WDFY3: variants seen among roughly 807,000 people sequenced by gnomAD.
The protein encoded by WDFY3 is WD repeat and FYVE domain-containing protein 3.
WDFY3 carries 66 observed loss-of-function variants against 409.6 expected under a neutral mutation model. That is an observed-to-expected ratio of 0.16 (90% confidence interval 0.13 to 0.20). The LOEUF (loss-of-function observed/expected upper bound fraction) is 0.20, where lower values mean the gene tolerates loss of function less well. Ranked by LOEUF, WDFY3 falls within the 10% of genes least tolerant of loss-of-function variation. The probability of loss-of-function intolerance (pLI) is 1.00; values close to 1 mark genes in which losing one functional copy is unlikely to be tolerated. For synonymous variants in WDFY3, 1,521 were observed against 1,537.1 expected, an observed-to-expected ratio of 0.99 and a Z score of 0.25; for missense variants, 3,031 against 4,298.1, an observed-to-expected ratio of 0.71 and a Z score of 8.24.
chr4:84,908,955 A>G (rs987844091), intron 2 of WDFY3, among the ~76,000 whole-genome samples: 2 of 152,120 alleles, frequency 1.3e-5, no homozygotes, highest in Non-Finnish European at 2.9e-5. Context: ...AAGCAAGGAA[A>G]AATTCAAAAG....
chr4:84,898,762 C>T (rs75632989), intron 2 of WDFY3, among the ~76,000 whole-genome samples: 1 of 152,104 alleles, frequency 6.6e-6, no homozygotes, highest in South Asian at 2.1e-4. Flanking sequence ...GGAATCACAA[C>T]AAAATGGAAA....
At chr4:84,883,244 T>TA (rs1281288649) in intron 3 of WDFY3, among the ~76,000 whole-genome samples, 5 of 152,154 alleles carry the variant, frequency 3.3e-5, no homozygotes, top group African/African-American at 1.2e-4. Flanking sequence ...TAGCCTATTT[T>TA]AAAAAATGCC....
At chr4:84,874,374 A>G (rs1007330090) in intron 3 of WDFY3, among the ~76,000 whole-genome samples, 1 of 151,830 alleles carries the variant, frequency 6.6e-6, no homozygotes, top group Non-Finnish European at 1.5e-5. Context: ...GATTGTGCCA[A>G]TGCACTCTAG....
At chr4:84,724,157 A>G (rs1735278037) in intron 46 of WDFY3, among the ~76,000 whole-genome samples, 1 of 152,246 alleles carries the variant, frequency 6.6e-6, no homozygotes, top group Non-Finnish European at 1.5e-5. Flanking sequence ...AAAAAACTAA[A>G]TATCAAGTGC....
At chr4:84,961,404 A>C (rs997808779) in intron 1 of WDFY3, among the ~76,000 whole-genome samples, 16 of 152,032 alleles carry the variant, frequency 1.1e-4, no homozygotes, top group African/African-American at 3.9e-4. Context: ...TCCAAGTAAA[A>C]TTGAAAAAAA....
chr4:84,698,658 T>C (rs1730549982), intron 56 of WDFY3, among the ~76,000 whole-genome samples: 1 of 151,950 alleles, frequency 6.6e-6, no homozygotes, highest in Non-Finnish European at 1.5e-5. Flanking sequence ...ACTTATCTCA[T>C]AGCAAGGGGA....
chr4:84,885,128 G>A lies in WDFY3; in HGVS notation c.-32+11783C>T, dbSNP rs576814867. On this transcript the variant is annotated intron_variant, in intron 3 of 67. Transcript: ENST00000295888. ...CAATTCTCCTGTCTCAGCCTCCTGAGTAGCTGGGATTACAGGCGTGCACCA... is the reference window on the plus strand; with the variant it reads ...CAATTCTCCTGTCTCAGCCTCCTGAATAGCTGGGATTACAGGCGTGCACCA... Among the ~76,000 whole-genome samples the A allele has an allele frequency of 9.2e-5, 14 of 152,138 alleles. No homozygotes were observed. The South Asian group carries it at 2.9e-3, about 32-fold the overall frequency.
intron 38 of WDFY3, 33 bp downstream of exon 38, chr4:84,741,726 CAT>C (rs1228727824): frequency 6.5e-7 from 1 of 1,539,946 alleles, no homozygotes; most frequent in African/African-American, 1.4e-5. Context: ...AACAGGAAAA[CAT>C]GTACTCTACA....
intron 2 of WDFY3, among the ~76,000 whole-genome samples, chr4:84,908,598 A>C (rs1179626034): frequency 2.0e-5 from 3 of 152,214 alleles, no homozygotes; most frequent in African/African-American, 7.2e-5. Flanking sequence ...GTACCTCATC[A>C]GAAACCTCAA....
intron 64 of WDFY3, among the ~76,000 whole-genome samples, chr4:84,679,627 T>C (rs1394125725): frequency 6.6e-6 from 1 of 152,048 alleles, no homozygotes; most frequent in East Asian, 1.9e-4. Context: ...TGGTGCCGCC[T>C]AGACCCATCT....
At chr4:84,829,483 T>C (rs1449638537) in intron 8 of WDFY3, among the ~76,000 whole-genome samples, 2 of 152,074 alleles carry the variant, frequency 1.3e-5, no homozygotes, top group Non-Finnish European at 2.9e-5. Context: ...AAATGGCCAC[T>C]GCCAAATGAT....
Position 84,772,975 on chromosome 4 carries a change from C to T in WDFY3, c.4755-46G>A, listed in dbSNP as rs774371893. ...GATTATGGATTTTCTTTTTCCTCTT[C>T]CCAAAACAAACAACAAAGTACAAAG... is the stretch of plus-strand genomic sequence containing the variant. On this transcript the variant is annotated intron_variant, in intron 29 of 67. Transcript: ENST00000295888. 15 of 1,450,862 alleles carry T rather than the reference C, an allele frequency of 1.0e-5. No homozygotes were observed. The African/African-American group carries it at 1.5e-4, about 14-fold the overall frequency. 89.9% of individuals were successfully genotyped at this position (1,450,862 alleles called of 1,614,324 possible). A position where few individuals can be genotyped will look rare whatever the true frequency, so the allele number is the denominator to read the frequency against.
At chr4:84,858,792 G>A (rs567983903) in intron 4 of WDFY3, among the ~76,000 whole-genome samples, 2 of 151,824 alleles carry the variant, frequency 1.3e-5, no homozygotes, top group South Asian at 2.1e-4. Flanking sequence ...GGGTGAGGGG[G>A]TGGGTGTGGA....
chr4:84,693,773 T>C (rs941832938), intron 58 of WDFY3, among the ~76,000 whole-genome samples: 1 of 151,910 alleles, frequency 6.6e-6, no homozygotes, highest in Non-Finnish European at 1.5e-5. Context: ...TACACGCCTG[T>C]AGTTCCAGCT....
chr4:84,962,250 C>T (rs1775009357), intron 1 of WDFY3, among the ~76,000 whole-genome samples: 2 of 151,980 alleles, frequency 1.3e-5, no homozygotes, highest in South Asian at 2.1e-4. Flanking sequence ...CAATGATTAG[C>T]GAATGCTATA....
rs1016638692 is a variant in WDFY3 at position 84,799,336 on chromosome 4, A to T, written c.2823-1228T>A. Among the ~76,000 whole-genome samples the T allele has an allele frequency of 4.7e-3, 440 of 93,588 alleles. 1 individual carries two copies. The highest frequency in any genetic ancestry group is 0.017 in the South Asian group (35 of 2,102). The allele number at this position is 93,588 out of a possible 152,430, so 61.4% of individuals were successfully genotyped here. On this transcript the variant is annotated intron_variant, in intron 17 of 67. Transcript: ENST00000295888. ...CATGCTAGTTAATACATATATATATATATTTTTTTTTTTTTTGTAGAAACA... is the reference window on the plus strand; with the variant it reads ...CATGCTAGTTAATACATATATATATTTATTTTTTTTTTTTTTGTAGAAACA...
intron 67 of WDFY3, 59 bp downstream of exon 67, chr4:84,677,140 T>C (rs1447149688): frequency 6.3e-7 from 1 of 1,593,938 alleles, no homozygotes; most frequent in Non-Finnish European, 8.6e-7. Flanking sequence ...GTGCAGGACA[T>C]AATTAACAAC....
At chr4:84,674,057 A>G (rs1247200801) in intron 67 of WDFY3, among the ~76,000 whole-genome samples, 1 of 152,218 alleles carries the variant, frequency 6.6e-6, no homozygotes, top group Non-Finnish European at 1.5e-5. Flanking sequence ...GCTCTCAGCC[A>G]TAGAGACCAC....
intron 29 of WDFY3, 40 bp from the exon 30 acceptor site, chr4:84,772,969 C>T (rs776013401): frequency 1.5e-5 from 23 of 1,486,900 alleles, no homozygotes; most frequent in Admixed American, 2.2e-5. Context: ...TTTTCTTTTT[C>T]CTCTTCCCAA....
Sources: gnomAD v4.1 joint callset for allele counts (sites outside exome capture counted in the v4.1 genomes callset) on GRCh38, gnomAD v4.1.1 for gene constraint, MANE v1.5 for transcripts, NCBI Gene and HGNC (gene_info 2026-07-23, HGNC 2026-07-21) for gene names.